The following TMCO4 variants were observed in gnomAD, a reference collection of about 807,000 sequenced individuals.
TMCO4 encodes transmembrane and coiled-coil domain-containing protein 4.
In TMCO4, 58 loss-of-function variants were observed where a neutral mutation model predicts 64.7. That is an observed-to-expected ratio of 0.90 (90% CI 0.73 to 1.12). The LOEUF (loss-of-function observed/expected upper bound fraction) is 1.12. TMCO4 is among the 50% of genes most tolerant of loss of function. The pLI is 0.00. For missense variants in TMCO4, 780 were observed against 825.9 expected (o/e 0.94, Z 0.68); for synonymous variants, 325 against 346.1 (o/e 0.94, Z 0.68).
intron 14 of TMCO4, among the ~76,000 whole-genome samples, chr1:19,697,167 C>T (rs2095242400): frequency 6.6e-6 from 1 of 152,220 alleles, no homozygotes; most frequent in African/African-American, 2.4e-5. Context: ...GTCTGTGCTT[C>T]CGGTCTCTGA....
At chr1:19,689,966 G>A (rs1354954938) in intron 15 of TMCO4, among the ~76,000 whole-genome samples, 1 of 152,176 alleles carries the variant, frequency 6.6e-6, no homozygotes, top group African/African-American at 2.4e-5. Context: ...CTGAAAGACT[G>A]GACTGCTGGT....
chr1:19,795,708 A>G (rs2044274208), intron 2 of TMCO4, among the ~76,000 whole-genome samples: 1 of 152,100 alleles, frequency 6.6e-6, no homozygotes, highest in South Asian at 2.1e-4. Flanking sequence ...TGGTATTTCA[A>G]CTTGTGCCTG....
At chr1:19,707,330 T>TA in intron 13 of TMCO4, among the ~76,000 whole-genome samples, 1 of 152,294 alleles carries the variant, frequency 6.6e-6, no homozygotes, top group Non-Finnish European at 1.5e-5. Flanking sequence ...TCTGATTACT[T>TA]AGAGACTGGC....
rs529124624 is a variant in TMCO4, at chr1:19,716,298, C to T, written c.1265-15413G>A. On this transcript the variant is annotated intron_variant, in intron 13 of 15. Transcript: ENST00000294543. Reference sequence around the variant, plus strand: ...CTCCTGGGTTCAAGCGATTCTCCTGCCTCAGCCTCCTCAGTAGCTGGGATT... The same window carrying T: ...CTCCTGGGTTCAAGCGATTCTCCTGTCTCAGCCTCCTCAGTAGCTGGGATT... 1.4e-3 allele frequency among the ~76,000 whole-genome samples: 204 copies of T among 150,618 alleles called. 1 individual carries two copies. Among genetic ancestry groups the T allele is most frequent in the African/African-American group, 4.7e-3 (192 of 41,210 alleles).
chr1:19,771,027 C>T (rs72658529), intron 5 of TMCO4, among the ~76,000 whole-genome samples: 17,832 of 152,178 alleles, frequency 0.12, 1,143 homozygotes, highest in Non-Finnish European at 0.13. Flanking sequence ...GTCTCAGTTT[C>T]CTCAACTATG....
intron 5 of TMCO4, among the ~76,000 whole-genome samples, chr1:19,770,805 C>T (rs1170501897): frequency 6.6e-6 from 1 of 152,186 alleles, no homozygotes; most frequent in African/African-American, 2.4e-5. Flanking sequence ...CTTTCCCTAC[C>T]AACAGTCTGC....
chr1:19,720,005 ATTT>A (rs56755114), intron 13 of TMCO4, among the ~76,000 whole-genome samples: 3 of 116,954 alleles, frequency 2.6e-5, no homozygotes, highest in African/African-American at 3.3e-5. Context: ...AAGGAAAATA[ATTT>A]TTTTTTTTTT....
intron 14 of TMCO4, among the ~76,000 whole-genome samples, chr1:19,699,490 T>C (rs1446447033): frequency 3.4e-5 from 3 of 88,900 alleles, no homozygotes; most frequent in Admixed American, 9.8e-5. Context: ...CATATACATA[T>C]ATATATATAT....
chr1:19,705,996 G>T (rs2095301434), intron 13 of TMCO4, among the ~76,000 whole-genome samples: 1 of 152,056 alleles, frequency 6.6e-6, no homozygotes, highest in Non-Finnish European at 1.5e-5. Flanking sequence ...GACCTCACAG[G>T]CTCAAGTGAT....
At chr1:19,767,889 C>T (rs952758156) in intron 6 of TMCO4, among the ~76,000 whole-genome samples, 2 of 151,960 alleles carry the variant, frequency 1.3e-5, no homozygotes, top group East Asian at 1.9e-4. Context: ...GTCAGGAGTT[C>T]GAGACCAGCC....
intron 10 of TMCO4, among the ~76,000 whole-genome samples, chr1:19,741,805 C>T (rs1294200918): frequency 1.3e-5 from 2 of 150,224 alleles, no homozygotes; most frequent in African/African-American, 2.5e-5. Context: ...GGCACGATCT[C>T]GGTTCACTGC....
chr1:19,724,013 C>T (rs1463155110), intron 13 of TMCO4, among the ~76,000 whole-genome samples: 1 of 152,158 alleles, frequency 6.6e-6, no homozygotes, highest in East Asian at 1.9e-4. Flanking sequence ...TGCCTGCATT[C>T]CCAGAGGGAA....
chr1:19,756,328 G>A (rs1185714364), intron 6 of TMCO4, among the ~76,000 whole-genome samples: 3 of 152,154 alleles, frequency 2.0e-5, no homozygotes, highest in Non-Finnish European at 4.4e-5. Context: ...AGCTGTGAAG[G>A]AGATGATAAA....
Position 19,734,476 on chromosome 1 carries a change from A to G in TMCO4, c.1264+2896T>C, listed in dbSNP as rs375330929. On this transcript the variant is annotated intron_variant, in intron 13 of 15. Transcript: ENST00000294543. The surrounding 1 kb of genome is among the most constrained non-coding windows in gnomAD (Gnocchi z 4.4). ...CCTCCTTGGCAGGATCCACTCAGTT[A>G]CTCATTCACTCCACAGTTTAAAGAC... Among the ~76,000 whole-genome samples the G allele has an allele frequency of 4.6e-3, 703 of 152,142 alleles. 13 individuals carry two copies. The highest frequency in any genetic ancestry group is 0.016 in the African/African-American group (671 of 41,492).
At chr1:19,785,198 G>T (rs534750246) in intron 3 of TMCO4, among the ~76,000 whole-genome samples, 14 of 152,226 alleles carry the variant, frequency 9.2e-5, no homozygotes, top group Admixed American at 7.2e-4. Context: ...GACCTTCCCT[G>T]ACCACCCAGG....
chr1:19,725,828 G>A (rs935412308), intron 13 of TMCO4, among the ~76,000 whole-genome samples: 3 of 152,162 alleles, frequency 2.0e-5, no homozygotes, highest in Non-Finnish European at 2.9e-5. Flanking sequence ...GATCAAGCCC[G>A]ATGGACAGTC....
chr1:19,702,759 G>C (rs1388989464), intron 13 of TMCO4, among the ~76,000 whole-genome samples: 3 of 152,216 alleles, frequency 2.0e-5, no homozygotes, highest in East Asian at 3.8e-4. Flanking sequence ...GGCAGACCTT[G>C]TCTCAAAACA....
chr1:19,795,345 A>T (rs2044255440), intron 2 of TMCO4, among the ~76,000 whole-genome samples: 1 of 151,984 alleles, frequency 6.6e-6, no homozygotes, highest in Non-Finnish European at 1.5e-5. Context: ...GGTGGCGAGC[A>T]CCTGTAGTCC....
At chr1:19,709,834 G>A (rs193153629) in intron 13 of TMCO4, among the ~76,000 whole-genome samples, 1 of 150,588 alleles carries the variant, frequency 6.6e-6, no homozygotes, top group East Asian at 2.0e-4. Context: ...TGTTGCCCAG[G>A]CTGGAGTGCA....
Sources: allele counts gnomAD v4.1 joint callset (sites outside exome capture counted in the v4.1 genomes callset), GRCh38; gene constraint gnomAD v4.1.1; non-coding constraint Gnocchi (gnomAD v3.1); transcripts MANE v1.5; gene names NCBI Gene and HGNC (gene_info 2026-07-23, HGNC 2026-07-21).